RERE: variants seen among roughly 807,000 people sequenced by gnomAD.
RERE encodes the protein arginine-glutamic acid dipeptide repeats protein.
RERE carries 40 observed loss-of-function variants against 146.1 expected under a neutral mutation model. The ratio of observed to expected loss-of-function variants is 0.27; its 90% CI spans 0.21 to 0.36. RERE has a LOEUF of 0.36. Among genes scored for constraint, RERE ranks in the 10% least tolerant of loss-of-function variants. The pLI, the probability that RERE is intolerant of heterozygous loss-of-function variation, is 1.00. For missense variants in RERE, 1,933 were observed against 2,138.7 expected, an observed-to-expected ratio of 0.90 and a Z score of 1.90; for synonymous variants, 1,003 against 866.0, an observed-to-expected ratio of 1.16 and a Z score of -2.78.
chr1:8,416,576 A>G (rs2124464482), intron 12 of RERE, among the ~76,000 whole-genome samples: 1 of 126,228 alleles, frequency 7.9e-6, no homozygotes, highest in South Asian at 2.5e-4. Flanking sequence ...ACAGAGCGAG[A>G]CTCCATCTCC....
chr1:8,816,188 TTAAAA>T (rs969804639), intron 1 of RERE, among the ~76,000 whole-genome samples: 1 of 152,346 alleles, frequency 6.6e-6, no homozygotes, highest in East Asian at 1.9e-4. Flanking sequence ...TCCTGCTATA[TTAAAA>T]TGTCTATTTT....
intron 7 of RERE, among the ~76,000 whole-genome samples, chr1:8,529,067 T>C (rs1391596590): frequency 6.6e-6 from 1 of 152,030 alleles, no homozygotes; most frequent in Non-Finnish European, 1.5e-5. Flanking sequence ...AAACCTATAA[T>C]AAAGTTTAAA....
intron 2 of RERE, among the ~76,000 whole-genome samples, chr1:8,629,352 G>T (rs1647009140): frequency 1.3e-5 from 2 of 152,280 alleles, no homozygotes; most frequent in South Asian, 4.1e-4. Flanking sequence ...CAATGATACT[G>T]AACAGAGGTA....
intron 7 of RERE, among the ~76,000 whole-genome samples, chr1:8,535,645 C>G (rs1645714845): frequency 6.6e-6 from 1 of 152,168 alleles, no homozygotes; most frequent in South Asian, 2.1e-4. Context: ...AGTTGTCAGT[C>G]TAGGAGAGAG....
At chr1:8,365,118 C>G (rs1641751391) in intron 13 of RERE, among the ~76,000 whole-genome samples, 1 of 152,262 alleles carries the variant, frequency 6.6e-6, no homozygotes, top group African/African-American at 2.4e-5. Context: ...ACGGGTGAGT[C>G]TGAACTGGGA....
At chr1:8,611,176 C>T (rs535926937) in intron 4 of RERE, among the ~76,000 whole-genome samples, 2 of 151,336 alleles carry the variant, frequency 1.3e-5, no homozygotes, top group South Asian at 2.1e-4. Flanking sequence ...GCCTGGGTGA[C>T]GGAGCAAGAC....
chr1:8,379,502 T>G (rs1642372005), intron 12 of RERE, among the ~76,000 whole-genome samples: 1 of 151,950 alleles, frequency 6.6e-6, no homozygotes, highest in South Asian at 2.1e-4. Context: ...GGGGTTCGGG[T>G]GTAATTTATG....
intron 1 of RERE, among the ~76,000 whole-genome samples, chr1:8,686,100 G>C (rs1306977390): frequency 2.6e-5 from 4 of 151,700 alleles, no homozygotes; most frequent in African/African-American, 4.8e-5. Context: ...TCCCACCTCA[G>C]ACTCCCAAGT....
intron 12 of RERE, among the ~76,000 whole-genome samples, chr1:8,401,071 A>G (rs537243136): frequency 7.2e-5 from 8 of 110,450 alleles, no homozygotes; most frequent in South Asian, 3.1e-4. Flanking sequence ...ATATATATAT[A>G]TGTCACTTAA....
intron 6 of RERE, among the ~76,000 whole-genome samples, chr1:8,545,595 T>A (rs934070203): frequency 1.3e-5 from 2 of 151,614 alleles, no homozygotes; most frequent in East Asian, 3.9e-4. Context: ...CAGTAGCAAA[T>A]CTGTTGAAAG....
chr1:8,790,695 T>C (rs1023448808), intron 1 of RERE, among the ~76,000 whole-genome samples: 1 of 152,236 alleles, frequency 6.6e-6, no homozygotes, highest in Admixed American at 6.5e-5. Flanking sequence ...GCAATTCTCG[T>C]ACCTCGGCCT....
At position 8,817,590 on chromosome 1, in the gene RERE, T is replaced by C. The variant is rs1304658254; in HGVS notation, c.-575A>G. 1 of 143,954 alleles carries C rather than the reference T, an allele frequency of 6.9e-6. No individual in the cohort carries two copies. Among genetic ancestry groups the C allele is most frequent in the East Asian group, 2.1e-4 (1 of 4,698 alleles). 8.9% of individuals were successfully genotyped at this position (143,954 alleles called of 1,614,324 possible). A position where few individuals can be genotyped will look rare whatever the true frequency, so the allele number is the denominator to read the frequency against. On this transcript the variant is annotated 5_prime_UTR_variant, in exon 1 of 23. Coordinates refer to ENST00000400908, the MANE Select transcript of RERE (RefSeq NM_001042681.2). ...CCAGCGGGGCGAGCGTCTCGGGGTG[T>C]GCGGGAGGCTGAGGAGGCTCCGGAG...
intron 7 of RERE, among the ~76,000 whole-genome samples, chr1:8,525,082 T>TC (rs1448272678): frequency 6.6e-6 from 1 of 152,196 alleles, no homozygotes; most frequent in Admixed American, 6.5e-5. Context: ...TTCCATAAGC[T>TC]CTAAAAGGAA....
chr1:8,462,989 T>C (rs1305570613), intron 11 of RERE, among the ~76,000 whole-genome samples: 1 of 152,042 alleles, frequency 6.6e-6, no homozygotes, highest in East Asian at 1.9e-4. Flanking sequence ...CTGGAACACA[T>C]TTGTTTTGCT....
At chr1:8,475,123 CA>C (rs1375301093) in intron 10 of RERE, among the ~76,000 whole-genome samples, 1 of 152,176 alleles carries the variant, frequency 6.6e-6, no homozygotes, top group Non-Finnish European at 1.5e-5. Context: ...CCTGTAATCC[CA>C]GAACTTTGGG....
At position 8,449,950 on chromosome 1, in the gene RERE, C is replaced by T. The variant is rs80050757; in HGVS notation, c.1203+15975G>A. 1.6e-3 allele frequency among the ~76,000 whole-genome samples: 244 copies of T among 152,336 alleles called. 1 individual carries two copies. The highest frequency in any genetic ancestry group is 5.4e-3 in the African/African-American group (224 of 41,586). On this transcript the variant is annotated intron_variant, in intron 11 of 22. Transcript: ENST00000400908. ...AGTCACTTTTATAGCTATACAACTTCTACCCTACTCAGTCTGTGTGTGGCA... is the reference window on the plus strand; with the variant it reads ...AGTCACTTTTATAGCTATACAACTTTTACCCTACTCAGTCTGTGTGTGGCA...
chr1:8,631,993 G>C (rs369972443), intron 2 of RERE, among the ~76,000 whole-genome samples: 2 of 152,070 alleles, frequency 1.3e-5, no homozygotes, highest in African/African-American at 4.8e-5. Flanking sequence ...TAAAAATGCA[G>C]GTGACAATTC....
chr1:8,432,588 C>G (rs1259364975), intron 11 of RERE, among the ~76,000 whole-genome samples: 2 of 152,208 alleles, frequency 1.3e-5, no homozygotes, highest in African/African-American at 4.8e-5. Context: ...ATAAGCACTT[C>G]TGCCATTAAA....
chr1:8,365,289 C>A (rs1641759722), intron 13 of RERE, among the ~76,000 whole-genome samples: 1 of 152,214 alleles, frequency 6.6e-6, no homozygotes, highest in South Asian at 2.1e-4. Flanking sequence ...CAGGACAGAG[C>A]TATAAGGCAC....
Sources: gnomAD v4.1 joint callset for allele counts (sites outside exome capture counted in the v4.1 genomes callset) on GRCh38, gnomAD v4.1.1 for gene constraint, MANE v1.5 for transcripts, NCBI Gene and HGNC (gene_info 2026-07-23, HGNC 2026-07-21) for gene names.